QSER1: variants seen among roughly 807,000 people sequenced by gnomAD.
QSER1 encodes glutamine and serine-rich protein 1.
A neutral mutation model predicts 158.5 loss-of-function variants in QSER1; 49 were observed. The observed-to-expected ratio is 0.31, with a 90% CI of 0.25 to 0.39. QSER1 has a LOEUF of 0.39. Among genes scored for constraint, QSER1 ranks in the 10% least tolerant of loss-of-function variants. QSER1 has a pLI of 1.00. For synonymous variants in QSER1, 650 were observed against 715.5 expected, an observed-to-expected ratio of 0.91 and a Z score of 1.46; for missense variants, 1,754 against 2,010.3, an observed-to-expected ratio of 0.87 and a Z score of 2.44.
Position 32,932,137 on chromosome 11 carries a change from A to G in QSER1, c.879A>G (p.Gln293=), listed in dbSNP as rs763140456. The G allele has an allele frequency of 7.4e-6, 12 of 1,614,184 alleles. No individual in the cohort carries two copies. In the Admixed American group the frequency reaches 1.5e-4, roughly 20 times the overall value. ...TTGGGGGATCCCAGCAGACTCCTCA[A>G]GCCTACAGTTCAACTCTCTTTACTA... ...SALGGSQQTP[Q]AYSSTLFTSS... is the part of the protein sequence containing the mutation. The change falls in exon 4 of 13, where the codon CAA becomes CAG. Residue 293 remains glutamine (Q), a synonymous_variant. Coordinates refer to ENST00000650167, the MANE Select transcript of QSER1 (RefSeq NM_001076786.3).
chr11:32,967,080 T>G (rs1043218976), intron 9 of QSER1, among the ~76,000 whole-genome samples: 25 of 151,990 alleles, frequency 1.6e-4, no homozygotes, highest in African/African-American at 6.0e-4. Flanking sequence ...TTCACAACTG[T>G]AAAGATATGG....
rs372319291 is a variant in QSER1, at chr11:32,934,872, C to T, written c.3614C>T (p.Ala1205Val). 2.5e-6 allele frequency: 4 copies of T among 1,613,892 alleles called. No homozygotes were observed. The highest frequency in any genetic ancestry group is 3.4e-6 in the Non-Finnish European group (4 of 1,179,972). The change falls in exon 4 of 13, where the codon GCT (alanine) becomes GTT (valine). Residue 1205 changes from alanine (A) to valine (V), a missense_variant. Ala to Val is a moderately conservative substitution (Grantham distance 64, BLOSUM62 0). Coordinates refer to ENST00000650167, the MANE Select transcript of QSER1 (RefSeq NM_001076786.3). ...LMHFNLQKKR[A>V]KGKGQVKEED... is the part of the protein sequence containing the mutation. ...CATTTTAACCTTCAAAAGAAAAGAG[C>T]TAAAGGAAAAGGGCAAGTTAAAGAG...
chr11:32,978,480 T>A lies in QSER1; in HGVS notation c.*2006T>A, dbSNP rs1853014447. On this transcript the variant is annotated 3_prime_UTR_variant, in exon 13 of 13. Transcript: ENST00000650167. ...GCCTACGTTCCTAAATCATTGATAATTTAAATATTTTTTAAAGCCACCTTA... is the reference window on the plus strand; with the variant it reads ...GCCTACGTTCCTAAATCATTGATAAATTAAATATTTTTTAAAGCCACCTTA... The A allele has an allele frequency of 6.6e-6, 1 of 152,248 alleles. No individual in the cohort carries two copies. The highest frequency in any genetic ancestry group is 2.4e-5 in the African/African-American group (1 of 41,470). 9.4% of individuals were successfully genotyped at this position (152,248 alleles called of 1,614,324 possible).
chr11:32,938,755 T>C (rs1472970366), intron 4 of QSER1, among the ~76,000 whole-genome samples: 2 of 152,186 alleles, frequency 1.3e-5, no homozygotes, highest in Non-Finnish European at 2.9e-5. Context: ...TAAAGTTTTC[T>C]AGTAAAGTTT....
intron 4 of QSER1, among the ~76,000 whole-genome samples, chr11:32,947,686 CTTAT>C (rs139781263): frequency 0.017 from 2,585 of 152,126 alleles, 70 homozygotes; most frequent in African/African-American, 0.059. Flanking sequence ...CCTCTCTACC[CTTAT>C]TTGTTTTTAG....
rs999536315 is a variant in QSER1, at chr11:32,952,848, G to A, written c.4178-1009G>A. Among the ~76,000 whole-genome samples the A allele has an allele frequency of 8.9e-5, 12 of 134,316 alleles. 1 individual carries two copies. Among genetic ancestry groups the A allele is most frequent in the African/African-American group, 2.0e-4 (7 of 35,518 alleles). 88.1% of individuals were successfully genotyped at this position (134,316 alleles called of 152,430 possible). On this transcript the variant is annotated intron_variant, in intron 4 of 12. Transcript: ENST00000650167. ...TTGAGACAGAGTCTCTTTTGCCCAC[G>A]CTGTAGTGCAGTGGCACAGTCTTGG... is the stretch of plus-strand genomic sequence containing the variant.
Position 32,932,884 on chromosome 11 carries a change from A to T in QSER1, c.1626A>T (p.Gln542His), listed in dbSNP as rs1852074229. 3.1e-6 allele frequency: 5 copies of T among 1,614,124 alleles called. No homozygotes were observed. The highest frequency in any genetic ancestry group is 1.7e-5 in the Admixed American group (1 of 60,012). Residue 542 changes from glutamine (Q) to histidine (H), a missense_variant, in exon 4 of 13, where the codon CAA becomes CAT. Physicochemically the swap from Gln to His is conservative, Grantham distance 24. Around this residue, in one of 2 missense-constraint regions of QSER1, gnomAD observed 1,707 missense variants for 1,919.6 expected, o/e 0.89. Transcript: ENST00000650167. The stretch of plus-strand genomic sequence containing the variant: ...TTACAAATGAGAATTACCCTGCTCA[A>T]ACAAGAGATCTGTCTTCAGTAAGTC... The part of the protein sequence containing the change: ...SSVTNENYPA[Q>H]TRDLSSVSQS...
intron 1 of QSER1, among the ~76,000 whole-genome samples, chr11:32,912,702 A>G (rs1026723554): frequency 1.3e-5 from 2 of 152,108 alleles, no homozygotes; most frequent in African/African-American, 2.4e-5. Context: ...TGAGTCCAGG[A>G]GTTCAAGACC....
rs1273890887 is a variant in QSER1, at chr11:32,976,379, A to G, written c.5500A>G (p.Ile1834Val). The change falls in exon 13 of 13, where the codon ATT (isoleucine) becomes GTT (valine). Residue 1834 changes from isoleucine to valine, a missense_variant. By Grantham distance (29) the Ile-to-Val change is conservative (BLOSUM62 3). Transcript: ENST00000650167. ...KKNEDLGQEE[I>V]VQLCMKNVKW... ...AAATGAAGATTTAGGACAGGAGGAAATTGTTCAACTTTGTATGAAAAATGT... is the reference window on the plus strand; with the variant it reads ...AAATGAAGATTTAGGACAGGAGGAAGTTGTTCAACTTTGTATGAAAAATGT... 2 of 1,605,292 alleles carry G rather than the reference A, an allele frequency of 1.2e-6. No homozygotes were observed. Among genetic ancestry groups the G allele is most frequent in the Non-Finnish European group, 1.7e-6 (2 of 1,177,678 alleles).
At position 32,966,288 on chromosome 11, in the gene QSER1, T is replaced by G; in HGVS notation, c.4970-12T>G. 6.2e-7 allele frequency: 1 copy of G among 1,610,766 alleles called. No homozygotes were observed. The highest frequency in any genetic ancestry group is 8.5e-7 in the Non-Finnish European group (1 of 1,179,030). On this transcript the variant is annotated splice_polypyrimidine_tract_variant and intron_variant, in intron 8 of 12. Transcript: ENST00000650167. ...AAGGAAAATTTAATATTTAACCCTT[T>G]CTCCCTCCCAGAATTTGAACCTCCC...
In QSER1 at chr11:32,945,501, A is replaced by C. The variant is rs1340712753; in HGVS notation, c.4178-8356A>C. 3.3e-5 allele frequency among the ~76,000 whole-genome samples: 5 copies of C among 152,046 alleles called. No individual in the cohort carries two copies. The East Asian group carries it at 9.7e-4, about 29-fold the overall frequency. On this transcript the variant is annotated intron_variant, in intron 4 of 12. Coordinates refer to ENST00000650167, the MANE Select transcript of QSER1 (RefSeq NM_001076786.3). ...TATTTCTCCTTCACTTATGAAGCTT[A>C]GTTTGGCTGGGTATGAAATTCTGGG...
At chr11:32,971,837 G>A (rs1010022389) in intron 10 of QSER1, among the ~76,000 whole-genome samples, 2 of 152,096 alleles carry the variant, frequency 1.3e-5, no homozygotes, top group African/African-American at 4.8e-5. Context: ...GCCGAGGTGG[G>A]CGGATCATGA....
Position 32,893,673 on chromosome 11 carries a change from G to C in QSER1, c.209+339G>C, listed in dbSNP as rs953600649. ...CTGTGAGACCCAGGATTGGCGCCGG[G>C]GGTCCGAAGGGGGCGCCGGAGAGTT... On this transcript the variant is annotated intron_variant, in intron 1 of 12. Coordinates refer to ENST00000650167, the MANE Select transcript of QSER1 (RefSeq NM_001076786.3). This position sits in a 1 kb window ranked among gnomAD's most constrained non-coding sequence, Gnocchi z 4.7. Among the ~76,000 whole-genome samples, 7 of 152,226 alleles carry C rather than the reference G, an allele frequency of 4.6e-5. No individual in the cohort carries two copies. The highest frequency in any genetic ancestry group is 1.2e-4 in the African/African-American group (5 of 41,454).
At chr11:32,911,037 A>G (rs1253579204) in intron 1 of QSER1, among the ~76,000 whole-genome samples, 2 of 152,208 alleles carry the variant, frequency 1.3e-5, no homozygotes, top group African/African-American at 2.4e-5. Context: ...GTCTCCTCAA[A>G]CGGTTTCTCT....
intron 1 of QSER1, among the ~76,000 whole-genome samples, chr11:32,920,163 C>G (rs1362331307): frequency 6.6e-6 from 1 of 152,174 alleles, no homozygotes; most frequent in Non-Finnish European, 1.5e-5. Flanking sequence ...CTTCTGGGCT[C>G]TGTCCGCCAG....
chr11:32,945,578 G>A (rs1852317105), intron 4 of QSER1, among the ~76,000 whole-genome samples: 1 of 152,044 alleles, frequency 6.6e-6, no homozygotes, highest in Non-Finnish European at 1.5e-5. Flanking sequence ...ACTCTCTTCT[G>A]GCCTGTAGAG....
intron 4 of QSER1, among the ~76,000 whole-genome samples, chr11:32,949,469 C>A (rs961830657): frequency 2.0e-5 from 3 of 151,976 alleles, no homozygotes; most frequent in African/African-American, 7.3e-5. Context: ...TCCATGTATC[C>A]ATGTATGAAT....
intron 1 of QSER1, among the ~76,000 whole-genome samples, chr11:32,899,661 G>GA (rs140331725): frequency 0.057 from 8,353 of 146,374 alleles, 671 homozygotes; most frequent in African/African-American, 0.18. Flanking sequence ...CCACAAAAAT[G>GA]AAAAAAAAAA....
intron 10 of QSER1, among the ~76,000 whole-genome samples, chr11:32,971,293 GAGAA>G (rs539740358): frequency 3.7e-4 from 56 of 152,132 alleles, no homozygotes; most frequent in Non-Finnish European, 5.9e-4. Context: ...ACAAATAGTA[GAGAA>G]AGAAAGATTT....
Sources: gnomAD v4.1 joint callset for allele counts (sites outside exome capture counted in the v4.1 genomes callset) on GRCh38, gnomAD v4.1.1 for gene constraint, gnomAD v4.1.1 regional missense constraint, Gnocchi (gnomAD v3.1) non-coding constraint, MANE v1.5 for transcripts, NCBI Gene and HGNC (gene_info 2026-07-23, HGNC 2026-07-21) for gene names.